TEKT5: variants seen among roughly 807,000 people sequenced by gnomAD.
TEKT5 encodes tektin 5, also known as tektin-5.
Under a neutral mutation model 48.7 loss-of-function variants are expected in TEKT5, and 52 were observed. The ratio of observed to expected loss-of-function variants is 1.07; its 90% CI spans 0.86 to 1.35. The LOEUF (loss-of-function observed/expected upper bound fraction) is 1.35, where lower values mean the gene tolerates loss of function less well. Ranked by LOEUF, TEKT5 falls within the 40% of genes most tolerant of loss-of-function variation. TEKT5 has a pLI of 0.00. For synonymous variants in TEKT5, 318 were observed against 267.6 expected, an observed-to-expected ratio of 1.19 and a Z score of -1.84; for missense variants, 831 against 641.6, an observed-to-expected ratio of 1.30 and a Z score of -3.19.
chr16:10,650,089 T>C (rs1185249571), intron 5 of TEKT5, among the ~76,000 whole-genome samples: 1 of 150,400 alleles, frequency 6.6e-6, no homozygotes, highest in Non-Finnish European at 1.5e-5. Context: ...TTATTTTTTT[T>C]GAGACGAAGT....
At chr16:10,688,028 T>C (rs1455065649) in intron 3 of TEKT5, among the ~76,000 whole-genome samples, 3 of 152,352 alleles carry the variant, frequency 2.0e-5, no homozygotes, top group Non-Finnish European at 2.9e-5. Flanking sequence ...CAATAAATTA[T>C]TGTTGACTGT....
chr16:10,666,492 C>A (rs1898458413), intron 5 of TEKT5, among the ~76,000 whole-genome samples: 1 of 152,190 alleles, frequency 6.6e-6, no homozygotes, highest in African/African-American at 2.4e-5. Context: ...CCAGCAGCAC[C>A]CCCTCACCAA....
chr16:10,664,713 T>C (rs1335499003), intron 5 of TEKT5, among the ~76,000 whole-genome samples: 6 of 152,220 alleles, frequency 3.9e-5, no homozygotes, highest in African/African-American at 4.8e-5. Flanking sequence ...TCCTTTCTTA[T>C]AGATTAGGAA....
intron 6 of TEKT5, among the ~76,000 whole-genome samples, chr16:10,634,171 A>G (rs1256104941): frequency 6.6e-6 from 1 of 152,042 alleles, no homozygotes; most frequent in African/African-American, 2.4e-5. Context: ...ACCTCAATTT[A>G]TCTTCCCATT....
chr16:10,627,936 G>A lies in TEKT5; in HGVS notation c.1242-137C>T, dbSNP rs149074840. ...CGGCTCACTGCAACCTCTGCCTCCC[G>A]GGTTCAAGTAATTCTGCCTCAGCCT... On this transcript the variant is annotated intron_variant, in intron 6 of 6. Transcript: ENST00000283025. The A allele has an allele frequency of 2.1e-3, 1,414 of 674,450 alleles. 10 individuals are homozygous for A. The African/African-American group carries it at 0.023, about 11-fold the overall frequency. 41.8% of individuals were successfully genotyped at this position (674,450 alleles called of 1,614,324 possible).
intron 3 of TEKT5, 94 bp from the exon 4 acceptor site, chr16:10,682,230 C>T: frequency 1.4e-6 from 2 of 1,448,094 alleles, no homozygotes; most frequent in Non-Finnish European, 1.9e-6. Flanking sequence ...GCCCTGGACT[C>T]CCAGAAAGCC....
chr16:10,648,965 T>C (rs1898112144), intron 5 of TEKT5, among the ~76,000 whole-genome samples: 1 of 152,356 alleles, frequency 6.6e-6, no homozygotes, highest in East Asian at 1.9e-4. Flanking sequence ...AATTTTATTT[T>C]TAGAGACAAG....
At chr16:10,694,269 C>T (rs375105383) in intron 1 of TEKT5, 41 bp downstream of exon 1, 2 of 1,517,242 alleles carry the variant, frequency 1.3e-6, no homozygotes, top group Non-Finnish European at 1.8e-6. Flanking sequence ...TGCAGTATCC[C>T]CAGGACACAG....
chr16:10,677,438 C>T (rs1011253178), intron 4 of TEKT5, among the ~76,000 whole-genome samples: 4 of 146,526 alleles, frequency 2.7e-5, no homozygotes, highest in South Asian at 4.4e-4. Context: ...GGTGAAATCC[C>T]GTCTCTACTA....
intron 5 of TEKT5, among the ~76,000 whole-genome samples, chr16:10,652,861 A>ACC (rs1898190721): frequency 6.8e-6 from 1 of 146,072 alleles, no homozygotes; most frequent in Admixed American, 6.8e-5. Flanking sequence ...ACACACACAC[A>ACC]CACACACACC....
At chr16:10,676,218 A>C (rs2719711) in intron 4 of TEKT5, 37 bp from the exon 5 acceptor site, 1 of 1,604,274 alleles carries the variant, frequency 6.2e-7, no homozygotes, top group Non-Finnish European at 8.5e-7. Flanking sequence ...GCAGTCCTGG[A>C]AGACCTCAGA....
intron 4 of TEKT5, among the ~76,000 whole-genome samples, chr16:10,679,003 T>C (rs1596416353): frequency 6.6e-6 from 1 of 152,138 alleles, no homozygotes; most frequent in East Asian, 1.9e-4. Context: ...TCAATGTAGA[T>C]TCAGAATCAC....
At position 10,627,587 on chromosome 16, in the gene TEKT5, G is replaced by C. The variant is rs1488679894; in HGVS notation, c.1454C>G (p.Thr485Ser). The C allele has an allele frequency of 2.5e-6, 4 of 1,614,098 alleles. No individual in the cohort carries two copies. Among genetic ancestry groups the C allele is most frequent in the Middle Eastern group, 1.6e-4 (1 of 6,062 alleles). Residue 485 changes from threonine (T) to serine (S), a missense_variant, in exon 7 of 7, where the codon ACC becomes AGC. Physicochemically the swap from Thr to Ser is moderately conservative, Grantham distance 58 (BLOSUM62 1). Coordinates refer to ENST00000283025, the MANE Select transcript of TEKT5 (RefSeq NM_144674.2). ...AATGAGGCGCCAGGGCGGTGCTCAG[G>C]TGTGGCCCACCAGGCGCGGGGTGCA... ...FPCTPRLVGH[T>S]
At chr16:10,694,205 G>A (rs1034920659) in intron 1 of TEKT5, 105 bp downstream of exon 1, 11 of 1,194,086 alleles carry the variant, frequency 9.2e-6, no homozygotes, top group East Asian at 4.8e-5. Flanking sequence ...AGCTCAAACC[G>A]ACCTGCAAGG....
chr16:10,641,287 G>C (rs1308966481), intron 5 of TEKT5, among the ~76,000 whole-genome samples: 1 of 152,160 alleles, frequency 6.6e-6, no homozygotes, highest in African/African-American at 2.4e-5. Flanking sequence ...GCAGGTTGTG[G>C]TGGGGCCTGA....
In TEKT5 at chr16:10,635,845, G is replaced by A. The variant is rs759487224; in HGVS notation, c.1160C>T (p.Pro387Leu). Residue 387 changes from proline (P) to leucine (L), a missense_variant, in exon 6 of 7, where the codon CCG (proline) becomes CTG (leucine). By Grantham distance (98) the Pro-to-Leu change is moderately conservative. Coordinates refer to ENST00000283025, the MANE Select transcript of TEKT5 (RefSeq NM_144674.2). Reference sequence around the variant, plus strand: ...CAGCCTTGTCTGGGCCACCTTCAGCGGGCCCTCCTTGGCCATGATGGACCT... The same window carrying A: ...CAGCCTTGTCTGGGCCACCTTCAGCAGGCCCTCCTTGGCCATGATGGACCT... ...LERSIMAKEG[P>L]LKVAQTRLEC... 2.5e-5 allele frequency: 40 copies of A among 1,614,120 alleles called. No individual in the cohort carries two copies. Among genetic ancestry groups the A allele is most frequent in the East Asian group, 2.2e-4 (10 of 44,878 alleles).
Position 10,675,432 on chromosome 16 carries a change from C to T in TEKT5, c.1086+527G>A, listed in dbSNP as rs78495118. 0.015 allele frequency among the ~76,000 whole-genome samples: 2,272 copies of T among 152,260 alleles called. 132 individuals are homozygous for T. In the East Asian group the frequency reaches 0.17, roughly 11 times the overall value. On this transcript the variant is annotated intron_variant, in intron 5 of 6. Transcript: ENST00000283025. Reference sequence around the variant, plus strand: ...AGCATGACGCAAAACGCCTAAAGGGCACACTGGTGTAGGCATAGCACGCAG... The same window carrying T: ...AGCATGACGCAAAACGCCTAAAGGGTACACTGGTGTAGGCATAGCACGCAG...
chr16:10,661,291 C>T (rs1397708224), intron 5 of TEKT5, among the ~76,000 whole-genome samples: 1 of 152,168 alleles, frequency 6.6e-6, no homozygotes, highest in Non-Finnish European at 1.5e-5. Context: ...AAGTCTGCTG[C>T]TCCTCTGGGG....
At chr16:10,671,452 A>G (rs1385921771) in intron 5 of TEKT5, among the ~76,000 whole-genome samples, 12 of 152,238 alleles carry the variant, frequency 7.9e-5, no homozygotes, top group Admixed American at 7.9e-4. Context: ...TATTACTCTG[A>G]CTTGAAAAAG....
Sources: allele counts gnomAD v4.1 joint callset (sites outside exome capture counted in the v4.1 genomes callset), GRCh38; gene constraint gnomAD v4.1.1; transcripts MANE v1.5; gene names NCBI Gene and HGNC (gene_info 2026-07-23, HGNC 2026-07-21).